Variants in MGAT4C observed in about 807,000 individuals in gnomAD.
The protein encoded by MGAT4C is alpha-1,3-mannosyl-glycoprotein 4-beta-N-acetylglucosaminyltransferase C.
Under a neutral mutation model 40.1 loss-of-function variants are expected in MGAT4C, and 19 were observed. The ratio of observed to expected loss-of-function variants is 0.47; its 90% CI spans 0.33 to 0.70. The LOEUF (loss-of-function observed/expected upper bound fraction) is 0.70. MGAT4C is among the 30% of genes least tolerant of loss of function. The probability of loss-of-function intolerance (pLI) is 0.02; values close to 1 mark genes in which losing one functional copy is unlikely to be tolerated. For synonymous variants in MGAT4C, 181 were observed against 187.1 expected, an observed-to-expected ratio of 0.97 and a Z score of 0.27; for missense variants, 491 against 563.2, an observed-to-expected ratio of 0.87 and a Z score of 1.30.
At position 86,446,682 on chromosome 12, in the gene MGAT4C, T is replaced by TATATATATATATATATATAC. The variant is rs1555190160; in HGVS notation, c.-228-11418_-228-11417insGTATATATATATATATATAT. Among the ~76,000 whole-genome samples the TATATATATATATATATATAC allele has an allele frequency of 2.9e-3, 333 of 113,434 alleles. 20 individuals are homozygous for TATATATATATATATATATAC. The highest frequency in any genetic ancestry group is 5.5e-3 in the Non-Finnish European group (294 of 52,978). The allele number at this position is 113,434 out of a possible 152,430, so 74.4% of individuals were successfully genotyped here. On this transcript the variant is annotated intron_variant, in intron 2 of 7. Transcript: ENST00000548651. ...TCATATATATATATATATATATATA[T>TATATATATATATATATATAC]ATATATATATATATATATATATGGA... is the stretch of plus-strand genomic sequence containing the variant.
chr12:86,509,285 C>A (rs1461174407), intron 2 of MGAT4C, among the ~76,000 whole-genome samples: 1 of 152,132 alleles, frequency 6.6e-6, no homozygotes, highest in Non-Finnish European at 1.5e-5. Flanking sequence ...ATATGGCTAG[C>A]CAGTTTTCCC....
chr12:86,344,839 G>T (rs1465437856), intron 3 of MGAT4C, among the ~76,000 whole-genome samples: 1 of 151,202 alleles, frequency 6.6e-6, no homozygotes, highest in Non-Finnish European at 1.5e-5. Context: ...GTTGCCCACT[G>T]CATTAATACA....
At chr12:86,682,398 G>C (rs1302450688) in intron 2 of MGAT4C, among the ~76,000 whole-genome samples, 3 of 151,856 alleles carry the variant, frequency 2.0e-5, no homozygotes, top group African/African-American at 7.3e-5. Flanking sequence ...CCAATGAAAG[G>C]CATGTTTCTT....
chr12:86,427,756 C>T (rs533432238), intron 3 of MGAT4C, among the ~76,000 whole-genome samples: 1 of 152,294 alleles, frequency 6.6e-6, no homozygotes, highest in South Asian at 2.1e-4. Flanking sequence ...CGCGGTGGCT[C>T]ATGCCTGTTA....
chr12:86,415,937 G>A (rs997897902), intron 3 of MGAT4C, among the ~76,000 whole-genome samples: 2 of 151,902 alleles, frequency 1.3e-5, no homozygotes, highest in African/African-American at 4.8e-5. Context: ...AAAGATTTCA[G>A]GAAATATAAC....
chr12:86,738,983 A>C (rs768144766), intron 1 of MGAT4C, among the ~76,000 whole-genome samples: 1 of 150,800 alleles, frequency 6.6e-6, no homozygotes, highest in Non-Finnish European at 1.5e-5. Flanking sequence ...CAAAAGGAAG[A>C]TTTTTGGTGT....
At chr12:86,535,453 T>C (rs914051389) in intron 2 of MGAT4C, among the ~76,000 whole-genome samples, 5 of 152,102 alleles carry the variant, frequency 3.3e-5, no homozygotes, top group Non-Finnish European at 7.4e-5. Context: ...TTTTAAACCC[T>C]GTGTTCACTG....
At chr12:86,062,989 A>G (rs936042111) in intron 1 of MGAT4C, among the ~76,000 whole-genome samples, 1 of 152,150 alleles carries the variant, frequency 6.6e-6, no homozygotes, top group Non-Finnish European at 1.5e-5. Context: ...ACCTAGCAAG[A>G]TAGGCCAACA....
At chr12:86,039,072 G>A (rs1176666654) in intron 2 of MGAT4C, among the ~76,000 whole-genome samples, 1 of 134,870 alleles carries the variant, frequency 7.4e-6, no homozygotes, top group Non-Finnish European at 1.8e-5. Flanking sequence ...ACTCTCTTCT[G>A]TCTTGTAGGG....
At chr12:86,154,883 G>A (rs1884735689) in intron 1 of MGAT4C, among the ~76,000 whole-genome samples, 1 of 152,106 alleles carries the variant, frequency 6.6e-6, no homozygotes, top group African/African-American at 2.4e-5. Flanking sequence ...GAATCAGACA[G>A]ATAAGACAGC....
At chr12:86,348,390 C>T (rs544420905) in intron 3 of MGAT4C, among the ~76,000 whole-genome samples, 19 of 152,106 alleles carry the variant, frequency 1.2e-4, no homozygotes, top group Admixed American at 6.6e-5. Context: ...GTTTTCTAGG[C>T]CTGTTACCTA....
chr12:86,708,185 T>C (rs912040963), intron 2 of MGAT4C, among the ~76,000 whole-genome samples: 8 of 152,188 alleles, frequency 5.3e-5, no homozygotes, highest in African/African-American at 1.9e-4. Context: ...AGGGACTTGG[T>C]GCCCTGCATC....
At chr12:86,219,339 T>C (rs998708552) in intron 1 of MGAT4C, among the ~76,000 whole-genome samples, 2 of 143,894 alleles carry the variant, frequency 1.4e-5, no homozygotes, top group Admixed American at 7.2e-5. Flanking sequence ...TAAAATAATA[T>C]GTTATGAAAA....
chr12:86,360,973 T>C (rs536265228), intron 3 of MGAT4C, among the ~76,000 whole-genome samples: 3 of 152,246 alleles, frequency 2.0e-5, no homozygotes, highest in East Asian at 1.9e-4. Flanking sequence ...CTTCACAGAA[T>C]TGGAAAAACT....
chr12:86,280,221 A>G (rs1200634007), intron 4 of MGAT4C, among the ~76,000 whole-genome samples: 1 of 152,038 alleles, frequency 6.6e-6, no homozygotes, highest in African/African-American at 2.4e-5. Context: ...GATTTGTCCA[A>G]TGCTGAAAGT....
chr12:86,444,323 TGAATAATATG>T (rs1283155357), intron 2 of MGAT4C, among the ~76,000 whole-genome samples: 3 of 152,190 alleles, frequency 2.0e-5, no homozygotes, highest in Non-Finnish European at 2.9e-5. Context: ...TCTTTTCCTC[TGAATAATATG>T]TTTGGAGTAT....
intron 2 of MGAT4C, among the ~76,000 whole-genome samples, chr12:86,677,022 G>A (rs1348229712): frequency 6.6e-6 from 1 of 151,982 alleles, no homozygotes; most frequent in Admixed American, 6.6e-5. Flanking sequence ...ACTGTGAAAG[G>A]ACTGTTCACA....
intron 1 of MGAT4C, among the ~76,000 whole-genome samples, chr12:86,108,674 T>C (rs1242544459): frequency 6.6e-6 from 1 of 152,144 alleles, no homozygotes; most frequent in East Asian, 1.9e-4. Context: ...ATATAGGGCC[T>C]AATTGTAGTA....
At chr12:86,771,227 T>C (rs1460880620) in intron 1 of MGAT4C, among the ~76,000 whole-genome samples, 4 of 152,150 alleles carry the variant, frequency 2.6e-5, no homozygotes, top group African/African-American at 9.7e-5. Context: ...GCCTACAGAA[T>C]TGTACACAAA....
Sources: gnomAD v4.1 joint callset for allele counts (sites outside exome capture counted in the v4.1 genomes callset) on GRCh38, gnomAD v4.1.1 for gene constraint, MANE v1.5 for transcripts, NCBI Gene and HGNC (gene_info 2026-07-23, HGNC 2026-07-21) for gene names.